The following FPR3 variants were observed in gnomAD, a reference collection of about 807,000 sequenced individuals.
The protein encoded by FPR3 is N-formyl peptide receptor 3.
For missense variants in FPR3, 346 were observed against 443.2 expected (o/e 0.78, Z 1.97); for synonymous variants, 135 against 163.6 (o/e 0.83, Z 1.34).
At chr19:51,800,277 G>C (rs1038263892) in intron 1 of FPR3, among the ~76,000 whole-genome samples, 2 of 152,226 alleles carry the variant, frequency 1.3e-5, no homozygotes, top group African/African-American at 4.8e-5. Context: ...GGAAAGAAAA[G>C]CGGCTGCCTA....
At chr19:51,817,100 A>G (rs2084142690) in intron 1 of FPR3, among the ~76,000 whole-genome samples, 1 of 152,168 alleles carries the variant, frequency 6.6e-6, no homozygotes, top group South Asian at 2.1e-4. Flanking sequence ...ACATTCAGAC[A>G]CATAGGTTTC....
At chr19:51,803,665 T>C (rs908751817) in intron 1 of FPR3, 2 of 150,272 alleles carry the variant, frequency 1.3e-5, no homozygotes, top group East Asian at 2.0e-4. Context: ...TGAGGAACAA[T>C]GAAAAAAATG....
In FPR3 at chr19:51,803,596, CAAA is replaced by C. The variant is rs35535525; in HGVS notation, c.-11+8279_-11+8281del. On this transcript the variant is annotated intron_variant, in intron 1 of 1. Transcript: ENST00000339223. ...GACTCCTATAAATGCTTTCAATTTC[CAAA>C]AAAAAAAAAAAAATGTATATTCTTT... Among the ~76,000 whole-genome samples the C allele has an allele frequency of 3.6e-4, 48 of 132,086 alleles. 2 individuals are homozygous for C. The highest frequency in any genetic ancestry group is 7.3e-4 in the African/African-American group (26 of 35,836). 86.7% of individuals were successfully genotyped at this position (132,086 alleles called of 152,430 possible). A position where few individuals can be genotyped will look rare whatever the true frequency, so the allele number is the denominator to read the frequency against.
intron 1 of FPR3, among the ~76,000 whole-genome samples, chr19:51,814,457 C>A (rs568658118): frequency 6.6e-6 from 1 of 151,676 alleles, no homozygotes. Context: ...CTCTCTCATG[C>A]ATCTGCCTCA....
rs61738412 is a variant in FPR3 at position 51,823,803 on chromosome 19, C to T, written c.55C>T (p.Pro19Ser). 4.0e-5 allele frequency: 64 copies of T among 1,612,974 alleles called. 1 individual carries two copies. In the African/African-American group the frequency reaches 7.2e-4, roughly 18 times the overall value. Residue 19 changes from proline (P) to serine (S), a missense_variant, in exon 2 of 2, where the codon CCT becomes TCT. By Grantham distance (74) the Pro-to-Ser change is moderately conservative (BLOSUM62 -1). Coordinates refer to ENST00000339223, the MANE Select transcript of FPR3 (RefSeq NM_002030.5). The part of the protein sequence containing the change: ...LNETEEVLPE[P>S]AGHTVLWIFS... ...TGAAACTGAGGAGGTGCTCCCTGAG[C>T]CTGCTGGCCACACCGTTCTGTGGAT...
At chr19:51,800,220 A>G (rs574297518) in intron 1 of FPR3, among the ~76,000 whole-genome samples, 87 of 152,286 alleles carry the variant, frequency 5.7e-4, no homozygotes, top group African/African-American at 1.9e-3. Flanking sequence ...CCTTGGTGCT[A>G]TCACTTCTCG....
At chr19:51,809,146 T>C (rs892847703) in intron 1 of FPR3, among the ~76,000 whole-genome samples, 21 of 152,264 alleles carry the variant, frequency 1.4e-4, no homozygotes, top group Non-Finnish European at 2.9e-5. Context: ...AAGTTTTCAT[T>C]TGTAAGTCTC....
chr19:51,814,971 G>A (rs2084124335), intron 1 of FPR3, among the ~76,000 whole-genome samples: 1 of 151,566 alleles, frequency 6.6e-6, no homozygotes, highest in Admixed American at 6.6e-5. Flanking sequence ...CACCACGTCT[G>A]GCTAATTTTC....
At chr19:51,805,783 T>C (rs1450458110) in intron 1 of FPR3, among the ~76,000 whole-genome samples, 3 of 152,196 alleles carry the variant, frequency 2.0e-5, no homozygotes, top group Non-Finnish European at 4.4e-5. Flanking sequence ...GTTATTAGTG[T>C]GACCAAGGAA....
At position 51,824,747 on chromosome 19, in the gene FPR3, G is replaced by A; in HGVS notation, c.999G>A (p.Gln333=). 6.2e-7 allele frequency: 1 copy of A among 1,613,928 alleles called. No homozygotes were observed. The highest frequency in any genetic ancestry group is 8.5e-7 in the Non-Finnish European group (1 of 1,179,962). The change falls in exon 2 of 2, where the codon CAG becomes CAA. Residue 333 remains glutamine (Q), a synonymous_variant. Transcript: ENST00000339223. The surrounding 1 kb of genome is among the most constrained non-coding windows in gnomAD (Gnocchi z 4.7). ...TGACTGAGGTCCCTGACTCAGCCCA[G>A]ACCAGCAACACAGACACCACTTCTG... is the stretch of plus-strand genomic sequence containing the variant. ...RALTEVPDSA[Q]TSNTDTTSAS...
rs759225776 is a variant in FPR3 at position 51,824,180 on chromosome 19, G to A, written c.432G>A (p.Arg144=). Reference sequence around the variant, plus strand: ...ATCGCACCATGAGTCTGGCCAAGAGGGTGATGACGGGACTCTGGATTTTCA... The same window carrying A: ...ATCGCACCATGAGTCTGGCCAAGAGAGTGATGACGGGACTCTGGATTTTCA... ...QNHRTMSLAK[R]VMTGLWIFTI... Residue 144 remains arginine, a synonymous_variant, in exon 2 of 2, where the codon AGG becomes AGA. Coordinates refer to ENST00000339223, the MANE Select transcript of FPR3 (RefSeq NM_002030.5). The surrounding 1 kb of genome is among the most constrained non-coding windows in gnomAD (Gnocchi z 4.7). The A allele has an allele frequency of 2.4e-5, 38 of 1,613,968 alleles. No individual in the cohort carries two copies. The highest frequency in any genetic ancestry group is 3.1e-5 in the Non-Finnish European group (36 of 1,179,996).
chr19:51,796,891 A>G (rs1463829483), intron 1 of FPR3, among the ~76,000 whole-genome samples: 3 of 152,220 alleles, frequency 2.0e-5, no homozygotes, highest in African/African-American at 7.2e-5. Context: ...AATTTAGATG[A>G]AAAGACAGCA....
At chr19:51,806,845 T>C (rs2084062238) in intron 1 of FPR3, among the ~76,000 whole-genome samples, 1 of 152,268 alleles carries the variant, frequency 6.6e-6, no homozygotes, top group African/African-American at 2.4e-5. Flanking sequence ...CTTTTAACTG[T>C]AGCAGTTTCT....
intron 1 of FPR3, among the ~76,000 whole-genome samples, chr19:51,799,653 A>G (rs115462651): frequency 0.013 from 2,037 of 152,326 alleles, 50 homozygotes; most frequent in African/African-American, 0.047. Context: ...GAGATTCTCC[A>G]GAAATTCCAG....
chr19:51,795,504 C>CCTTTT (rs1568425575), intron 1 of FPR3, among the ~76,000 whole-genome samples, 173 bp downstream of exon 1: 1 of 74,732 alleles, frequency 1.3e-5, no homozygotes, highest in East Asian at 5.5e-4. Flanking sequence ...CAGTAACATT[C>CCTTTT]TTTTTTTTTT....
intron 1 of FPR3, chr19:51,811,686 G>A (rs62108952): frequency 0.12 from 18,017 of 152,170 alleles, 1,325 homozygotes; most frequent in South Asian, 0.28. Flanking sequence ...TGAACAAAGG[G>A]GGATGAACAC....
chr19:51,801,821 A>G (rs1190883592), intron 1 of FPR3, among the ~76,000 whole-genome samples: 1 of 152,220 alleles, frequency 6.6e-6, no homozygotes, highest in East Asian at 1.9e-4. Context: ...TAGGGATCTC[A>G]TTAAATTTAC....
At chr19:51,808,564 C>T (rs1315185049) in intron 1 of FPR3, among the ~76,000 whole-genome samples, 1 of 152,160 alleles carries the variant, frequency 6.6e-6, no homozygotes, top group Non-Finnish European at 1.5e-5. Context: ...TGGGGTAAAA[C>T]TCTCCATTGA....
intron 1 of FPR3, chr19:51,817,650 T>C (rs562089976): frequency 6.6e-6 from 1 of 152,330 alleles, no homozygotes; most frequent in Non-Finnish European, 1.5e-5. Context: ...ACTTCTCTGT[T>C]CTACTCATCA....
Sources: gnomAD v4.1 joint callset for allele counts (sites outside exome capture counted in the v4.1 genomes callset) on GRCh38, gnomAD v4.1.1 for gene constraint, Gnocchi (gnomAD v3.1) non-coding constraint, MANE v1.5 for transcripts, NCBI Gene and HGNC (gene_info 2026-07-23, HGNC 2026-07-21) for gene names.